Variants in HTT observed in about 807,000 individuals in gnomAD.
HTT encodes huntington disease protein.
In HTT, 104 loss-of-function variants were observed where a neutral mutation model predicts 362.3. The ratio of observed to expected loss-of-function variants is 0.29; its 90% CI spans 0.24 to 0.34. HTT has a LOEUF of 0.34. Ranked by LOEUF, HTT falls within the 10% of genes least tolerant of loss-of-function variation. The pLI is 1.00. For missense variants in HTT, 3,301 were observed against 3,928.6 expected, an observed-to-expected ratio of 0.84 and a Z score of 4.27; for synonymous variants, 1,577 against 1,548.7, an observed-to-expected ratio of 1.02 and a Z score of -0.43.
chr4:3,107,920 G>A (rs1368550315), intron 6 of HTT, among the ~76,000 whole-genome samples: 1 of 152,220 alleles, frequency 6.6e-6, no homozygotes, highest in South Asian at 2.1e-4. Flanking sequence ...CAGATTACAG[G>A]ATTCTTAGCC....
At chr4:3,154,510 T>C in intron 27 of HTT, 91 bp downstream of exon 27, 1 of 1,503,288 alleles carries the variant, frequency 6.7e-7, no homozygotes, top group Non-Finnish European at 9.0e-7. Context: ...TTTAGAGAAA[T>C]AAATATAATA....
chr4:3,187,242 G>A (rs1025013396), intron 38 of HTT, among the ~76,000 whole-genome samples: 1 of 151,194 alleles, frequency 6.6e-6, no homozygotes, highest in African/African-American at 2.4e-5. Flanking sequence ...TGCAACCTCC[G>A]CCTCCCGGGT....
chr4:3,122,347 A>C (rs953521541), intron 9 of HTT, among the ~76,000 whole-genome samples: 1 of 152,226 alleles, frequency 6.6e-6, no homozygotes, highest in Non-Finnish European at 1.5e-5. Flanking sequence ...AGCCACTGCA[A>C]CGTGGTCGGT....
chr4:3,228,988 G>C lies in HTT; in HGVS notation c.8088G>C (p.Leu2696=), dbSNP rs1402848858. The change falls in exon 59 of 67, where the codon CTG becomes CTC. Residue 2696 remains leucine, a synonymous_variant. Coordinates refer to ENST00000355072, the MANE Select transcript of HTT (RefSeq NM_001388492.1). The surrounding 1 kb of genome is among the most constrained non-coding windows in gnomAD (Gnocchi z 4.3). ...SSSARRTPAI[L]ISEVVRSLLV... ...CAGCCAGGAGGACCCCGGCCATCCT[G>C]ATCAGTGAGGTGGTCAGATCCGTAA... The C allele has an allele frequency of 6.2e-7, 1 of 1,613,576 alleles. No individual in the cohort carries two copies. Among genetic ancestry groups the C allele is most frequent in the Admixed American group, 1.7e-5 (1 of 59,966 alleles).
At position 3,240,042 on chromosome 4, in the gene HTT, A is replaced by G. The variant is rs1408093138; in HGVS notation, c.9412A>G (p.Lys3138Glu). 11 of 1,591,760 alleles carry G rather than the reference A, an allele frequency of 6.9e-6. No individual in the cohort carries two copies. Among genetic ancestry groups the G allele is most frequent in the Non-Finnish European group, 9.4e-6 (11 of 1,168,320 alleles). ...GCTGACTTGTTTACGAAATGTCCAC[A>G]AGGTCACCACCTGCTGAGCGCCATG... ...RLLTCLRNVHKVTTC is the reference protein window; with the variant it reads ...RLLTCLRNVHEVTTC Residue 3138 changes from lysine to glutamate, a missense_variant, in exon 67 of 67, where the codon AAG (lysine) becomes GAG (glutamate). By Grantham distance (56) the Lys-to-Glu change is moderately conservative (BLOSUM62 1). Transcript: ENST00000355072.
rs183892322 is a variant in HTT, at chr4:3,196,322, C to T, written c.5369-3410C>T. 1.1e-4 allele frequency among the ~76,000 whole-genome samples: 16 copies of T among 152,310 alleles called. No homozygotes were observed. In the East Asian group the frequency reaches 3.1e-3, roughly 29 times the overall value. Reference sequence around the variant, plus strand: ...CCAGCGGAACAGGGGACCTTCTATCCTGTCCCCAAGTTCATCCTCATCCTC... The same window carrying T: ...CCAGCGGAACAGGGGACCTTCTATCTTGTCCCCAAGTTCATCCTCATCCTC... On this transcript the variant is annotated intron_variant, in intron 40 of 66. Coordinates refer to ENST00000355072, the MANE Select transcript of HTT (RefSeq NM_001388492.1).
intron 12 of HTT, chr4:3,128,736 T>G (rs939851067): frequency 6.6e-6 from 1 of 152,250 alleles, no homozygotes; most frequent in Non-Finnish European, 1.5e-5. Context: ...AGTTTTATAC[T>G]CCATTTTATT....
At position 3,191,059 on chromosome 4, in the gene HTT, C is replaced by T. The variant is rs959767120; in HGVS notation, c.5368+1966C>T. Among the ~76,000 whole-genome samples, 9 of 152,292 alleles carry T rather than the reference C, an allele frequency of 5.9e-5. No individual in the cohort carries two copies. The East Asian group carries it at 1.3e-3, about 23-fold the overall frequency. On this transcript the variant is annotated intron_variant, in intron 40 of 66. Transcript: ENST00000355072. ...TCTCCTTTAAGCGGCTTAGGAGTCACGATCAAAGACCTATAGAAAGAGATG... is the reference window on the plus strand; with the variant it reads ...TCTCCTTTAAGCGGCTTAGGAGTCATGATCAAAGACCTATAGAAAGAGATG...
At chr4:3,178,993 G>A (rs1718372733) in intron 35 of HTT, among the ~76,000 whole-genome samples, 1 of 152,182 alleles carries the variant, frequency 6.6e-6, no homozygotes. Context: ...TGAATGAGTT[G>A]CAAATCTTTC....
In HTT at chr4:3,172,908, T is replaced by C; in HGVS notation, c.3943T>C (p.Leu1315=). 6.2e-7 allele frequency: 1 copy of C among 1,612,238 alleles called. No homozygotes were observed. Among genetic ancestry groups the C allele is most frequent in the Non-Finnish European group, 8.5e-7 (1 of 1,178,206 alleles). ...PMMATVCVQQ[L]LKTLFGTNLA... ...TGATGCCTCATTTTTTTCACTGTAG[T>C]TGTTGAAGACTCTCTTTGGCACAAA... The change falls in exon 31 of 67, where the codon TTG becomes CTG. Residue 1315 remains leucine, a splice_region_variant and synonymous_variant. Transcript: ENST00000355072.
chr4:3,074,919 CAGCAGCAGCAGCA>C lies in HTT; in HGVS notation c.95_107del (p.Gln32ArgfsTer65). On this transcript the variant is annotated frameshift_variant, in exon 1 of 67. Coordinates refer to ENST00000355072, the MANE Select transcript of HTT (RefSeq NM_001388492.1). LOFTEE classifies it high-confidence loss of function. Reference sequence around the variant, plus strand: ...GCAGCAGCAGCAGCAGCAGCAGCAGCAGCAGCAGCAGCAGCAACAGCCGCCACCGCCGCCGCCG... The same window carrying C: ...GCAGCAGCAGCAGCAGCAGCAGCAGCGCAACAGCCGCCACCGCCGCCGCCG... The C allele has an allele frequency of 6.7e-7, 1 of 1,489,462 alleles. No individual in the cohort carries two copies. The highest frequency in any genetic ancestry group is 8.9e-7 in the Non-Finnish European group (1 of 1,122,790). 92.3% of individuals were successfully genotyped at this position (1,489,462 alleles called of 1,614,324 possible).
chr4:3,177,291 A>C, intron 33 of HTT, 41 bp from the exon 34 acceptor site: 3 of 1,364,070 alleles, frequency 2.2e-6, no homozygotes, highest in South Asian at 1.2e-5. Flanking sequence ...TTTACATTTT[A>C]ATCCTATTAT....
chr4:3,088,542 G>C (rs1713334868), intron 2 of HTT, among the ~76,000 whole-genome samples: 1 of 152,154 alleles, frequency 6.6e-6, no homozygotes, highest in Non-Finnish European at 1.5e-5. Context: ...TAGGGGTACA[G>C]TTCAGTATAT....
intron 37 of HTT, among the ~76,000 whole-genome samples, chr4:3,182,873 TTTCCTTTCCTTTCCC>T (rs1718590188): frequency 1.3e-5 from 2 of 152,114 alleles, no homozygotes; most frequent in East Asian, 1.9e-4. Flanking sequence ...ATTTAGCAGT[TTTCCTTTCCTTTCCC>T]TTCCTTTCCT....
chr4:3,225,865 TA>T, intron 57 of HTT, 122 bp downstream of exon 57: 14 of 651,500 alleles, frequency 2.1e-5, no homozygotes, highest in Non-Finnish European at 3.2e-5. Flanking sequence ...TCCTTTTTTT[TA>T]AAAAAAAATT....
At chr4:3,173,876 T>C (rs544204724) in intron 31 of HTT, among the ~76,000 whole-genome samples, 1 of 152,240 alleles carries the variant, frequency 6.6e-6, no homozygotes, top group East Asian at 1.9e-4. Context: ...TTTCACCATG[T>C]TAGCCAGGAT....
At chr4:3,191,423 C>T (rs943587761) in intron 40 of HTT, among the ~76,000 whole-genome samples, 4 of 152,112 alleles carry the variant, frequency 2.6e-5, no homozygotes, top group African/African-American at 7.2e-5. Context: ...CCACCCGCCT[C>T]GGCCTCCCAA....
At position 3,078,973 on chromosome 4, in the gene HTT, C is replaced by G. The variant is rs372710772; in HGVS notation, c.263+3885C>G. ...GATGATCTTGATCTCCTGACCTCGT[C>G]ATCCGCCGACCTTGTGATCCGCCCA... is the stretch of plus-strand genomic sequence containing the variant. On this transcript the variant is annotated intron_variant, in intron 1 of 66. Transcript: ENST00000355072. 1.1e-3 allele frequency among the ~76,000 whole-genome samples: 175 copies of G among 152,208 alleles called. 2 individuals are homozygous for G. Among genetic ancestry groups the G allele is most frequent in the Non-Finnish European group, 1.8e-3 (122 of 67,976 alleles).
chr4:3,189,832 C>T (rs1421770293), intron 40 of HTT, among the ~76,000 whole-genome samples: 5 of 152,134 alleles, frequency 3.3e-5, no homozygotes, highest in Admixed American at 6.5e-5. Flanking sequence ...TGAGACCAGC[C>T]TCAGCAACAT....
Sources: allele counts gnomAD v4.1 joint callset (sites outside exome capture counted in the v4.1 genomes callset), GRCh38; gene constraint gnomAD v4.1.1; non-coding constraint Gnocchi (gnomAD v3.1); transcripts MANE v1.5; gene names NCBI Gene and HGNC (gene_info 2026-07-23, HGNC 2026-07-21).